The following ATXN1 variants were observed in gnomAD, a reference collection of about 807,000 sequenced individuals.
ATXN1 encodes the protein ataxin 1, also known as ataxin-1.
In ATXN1, 8 loss-of-function variants were observed where a neutral mutation model predicts 56.4. The ratio of observed to expected loss-of-function variants is 0.14; its 90% CI spans 0.08 to 0.26. ATXN1 has a LOEUF of 0.26. ATXN1 is among the 10% of genes least tolerant of loss of function. The pLI is 1.00. For synonymous variants in ATXN1, 514 were observed against 494.6 expected, an observed-to-expected ratio of 1.04 and a Z score of -0.52; for missense variants, 987 against 1,106.5, an observed-to-expected ratio of 0.89 and a Z score of 1.53.
intron 1 of ATXN1, among the ~76,000 whole-genome samples, chr6:16,756,169 A>G (rs1238906758): frequency 1.3e-5 from 2 of 151,988 alleles, no homozygotes; most frequent in Admixed American, 1.3e-4. Context: ...AAAATAAAAA[A>G]CTTTCCATAA....
chr6:16,594,027 A>G (rs1161237435), intron 3 of ATXN1, among the ~76,000 whole-genome samples: 1 of 148,844 alleles, frequency 6.7e-6, no homozygotes, highest in Non-Finnish European at 1.5e-5. Flanking sequence ...TAATATACAT[A>G]TTAGTCAAAT....
At chr6:16,508,825 T>C (rs1581809253) in intron 5 of ATXN1, among the ~76,000 whole-genome samples, 2 of 152,322 alleles carry the variant, frequency 1.3e-5, no homozygotes, top group South Asian at 2.1e-4. Context: ...CCCACATTCA[T>C]AGCAGCATTA....
intron 2 of ATXN1, among the ~76,000 whole-genome samples, chr6:16,673,460 T>C (rs1758589298): frequency 6.6e-6 from 1 of 152,120 alleles, no homozygotes; most frequent in Admixed American, 6.5e-5. Context: ...CGCCTGCAGC[T>C]TACCTCCTCA....
intron 3 of ATXN1, among the ~76,000 whole-genome samples, chr6:16,656,488 C>T (rs1212209150): frequency 3.4e-5 from 5 of 148,708 alleles, no homozygotes; most frequent in East Asian, 1.9e-4. Context: ...ATATCATGAA[C>T]GGGGTTGATA....
intron 5 of ATXN1, among the ~76,000 whole-genome samples, chr6:16,497,848 T>C (rs1339545509): frequency 2.0e-5 from 3 of 151,938 alleles, no homozygotes; most frequent in South Asian, 2.1e-4. Context: ...CCAGTGTAGA[T>C]GTCTCTTTGC....
intron 5 of ATXN1, among the ~76,000 whole-genome samples, chr6:16,498,579 T>C (rs1468236282): frequency 6.6e-6 from 1 of 152,246 alleles, no homozygotes; most frequent in Non-Finnish European, 1.5e-5. Context: ...TTTTCTATAG[T>C]GATTGCACCA....
At chr6:16,740,684 T>C (rs1760308986) in intron 2 of ATXN1, among the ~76,000 whole-genome samples, 1 of 152,056 alleles carries the variant, frequency 6.6e-6, no homozygotes, top group Non-Finnish European at 1.5e-5. Flanking sequence ...ACATCTAACA[T>C]ATAATTTTTT....
At chr6:16,679,276 G>GTGGATGGA (rs10701438) in intron 2 of ATXN1, among the ~76,000 whole-genome samples, 16,826 of 138,130 alleles carry the variant, frequency 0.12, 2,080 homozygotes, top group East Asian at 0.3. Context: ...GAGTTAGTGG[G>GTGGATGGA]TGGATGGATG....
intron 6 of ATXN1, among the ~76,000 whole-genome samples, chr6:16,458,953 T>C (rs1249634652): frequency 6.6e-6 from 1 of 152,152 alleles, no homozygotes; most frequent in Non-Finnish European, 1.5e-5. Flanking sequence ...GCCAGGAAAT[T>C]GACTTCCTCC....
At chr6:16,475,835 G>A (rs1184019723) in intron 6 of ATXN1, among the ~76,000 whole-genome samples, 1 of 151,688 alleles carries the variant, frequency 6.6e-6, no homozygotes, top group Non-Finnish European at 1.5e-5. Flanking sequence ...CTACTGGACA[G>A]AGCCCAAGGT....
intron 6 of ATXN1, among the ~76,000 whole-genome samples, chr6:16,439,760 T>C (rs1759475339): frequency 6.6e-6 from 1 of 152,268 alleles, no homozygotes; most frequent in Non-Finnish European, 1.5e-5. Flanking sequence ...AGCAGAAACA[T>C]CTTCTCAAGC....
At chr6:16,613,054 AG>A (rs1392648261) in intron 3 of ATXN1, among the ~76,000 whole-genome samples, 7 of 150,658 alleles carry the variant, frequency 4.6e-5, no homozygotes, top group Admixed American at 4.6e-4. Context: ...TCATGAGGTC[AG>A]GAGATCGAGA....
At chr6:16,747,345 T>A (rs537777122) in intron 2 of ATXN1, among the ~76,000 whole-genome samples, 1 of 152,040 alleles carries the variant, frequency 6.6e-6, no homozygotes, top group Non-Finnish European at 1.5e-5. Context: ...GGAGCACACA[T>A]TAAACTCCAC....
chr6:16,349,519 A>AG (rs1049630599), intron 6 of ATXN1, among the ~76,000 whole-genome samples: 9 of 151,964 alleles, frequency 5.9e-5, no homozygotes, highest in African/African-American at 2.2e-4. Context: ...AAAGAAAGAA[A>AG]AAAAAAAAAC....
chr6:16,370,009 C>T (rs1366027504), intron 6 of ATXN1, among the ~76,000 whole-genome samples: 1 of 152,192 alleles, frequency 6.6e-6, no homozygotes, highest in Non-Finnish European at 1.5e-5. Flanking sequence ...CATCTTCCCT[C>T]CTCTACCATT....
chr6:16,383,820 T>A (rs1353075346), intron 6 of ATXN1, among the ~76,000 whole-genome samples: 1 of 152,214 alleles, frequency 6.6e-6, no homozygotes, highest in Non-Finnish European at 1.5e-5. Context: ...TAACCTGTCA[T>A]AGAAAAGGTC....
intron 5 of ATXN1, among the ~76,000 whole-genome samples, chr6:16,520,359 C>T (rs768824698): frequency 2.8e-4 from 43 of 152,110 alleles, no homozygotes; most frequent in Non-Finnish European, 4.3e-4. Context: ...AAAAAAATTA[C>T]GGCTTGTAAT....
At chr6:16,624,168 T>C (rs1437819245) in intron 3 of ATXN1, among the ~76,000 whole-genome samples, 1 of 152,082 alleles carries the variant, frequency 6.6e-6, no homozygotes, top group Non-Finnish European at 1.5e-5. Context: ...CTGGCCAACA[T>C]GGTGAAACCC....
At chr6:16,319,358 C>T (rs564181352) in intron 7 of ATXN1, among the ~76,000 whole-genome samples, 10 of 152,220 alleles carry the variant, frequency 6.6e-5, no homozygotes, top group Non-Finnish European at 1.3e-4. Context: ...GGCGACATAC[C>T]GGATGATTCC....
Sources: allele counts gnomAD v4.1 joint callset (sites outside exome capture counted in the v4.1 genomes callset), GRCh38; gene constraint gnomAD v4.1.1; transcripts MANE v1.5; gene names NCBI Gene and HGNC (gene_info 2026-07-23, HGNC 2026-07-21).